ZNF469: variants seen among roughly 807,000 people sequenced by gnomAD.
ZNF469 encodes zinc finger protein 469.
A neutral mutation model predicts 1.0 loss-of-function variants in ZNF469; 1 was observed. The observed-to-expected ratio is 1.00, with a 90% CI of 0.35 to 4.73. The LOEUF (loss-of-function observed/expected upper bound fraction) is 4.73, where lower values mean the gene tolerates loss of function less well. Among genes scored for constraint, ZNF469 ranks in the 30% most tolerant of loss-of-function variants. ZNF469 has a pLI of 0.16. For synonymous variants in ZNF469, 2,703 were observed against 2,363.4 expected, an observed-to-expected ratio of 1.14 and a Z score of -4.17; for missense variants, 6,100 against 5,356.3, an observed-to-expected ratio of 1.14 and a Z score of -4.33.
chr16:88,356,301 C>T, the ZNF469 span, among the ~76,000 whole-genome samples: 7 of 152,292 alleles, frequency 4.6e-5, no homozygotes, highest in Non-Finnish European at 8.8e-5. Flanking sequence ...AGTCCTGCCA[C>T]TGCCCAGCTG....
chr16:88,399,742 G>GCACC (rs764424006), intron 1 of ZNF469, among the ~76,000 whole-genome samples: 3 of 152,258 alleles, frequency 2.0e-5, no homozygotes, highest in Non-Finnish European at 4.4e-5. Flanking sequence ...AACCAGCTGT[G>GCACC]CACCCCTCTC....
chr16:88,401,532 TGCA>T (rs1567501585), intron 1 of ZNF469, among the ~76,000 whole-genome samples: 41 of 103,144 alleles, frequency 4.0e-4, no homozygotes, highest in African/African-American at 6.6e-4. Context: ...GATGGATGGA[TGCA>T]TGGGTGGATG....
chr16:88,387,110 G>A (rs1165760192), intron 1 of ZNF469, among the ~76,000 whole-genome samples: 1 of 152,300 alleles, frequency 6.6e-6, no homozygotes, highest in East Asian at 1.9e-4. Flanking sequence ...TGTCCACCCA[G>A]GGGAGCGCCT....
At chr16:88,315,146 AG>A in the ZNF469 span, among the ~76,000 whole-genome samples, 1 of 152,224 alleles carries the variant, frequency 6.6e-6, no homozygotes, top group African/African-American at 2.4e-5. Flanking sequence ...GGTGAGAGCC[AG>A]GGGCAGGAAG....
chr16:88,438,631 C>T lies in ZNF469; in HGVS notation c.11161C>T (p.Pro3721Ser), dbSNP rs1050422513. The change falls in exon 3 of 3, where the codon CCC becomes TCC. Residue 3721 changes from proline to serine, a missense_variant. Physicochemically the swap from Pro to Ser is moderately conservative, Grantham distance 74. Coordinates refer to ENST00000565624, the MANE Select transcript of ZNF469 (RefSeq NM_001367624.2). ...LARGTENGMKPATPKAKPGPS... is the reference protein window; with the variant it reads ...LARGTENGMKSATPKAKPGPS... The stretch of plus-strand genomic sequence containing the variant: ...CCGTGGCACAGAGAATGGGATGAAG[C>T]CCGCCACCCCCAAAGCCAAACCCGG... 1 of 1,550,066 alleles carries T rather than the reference C, an allele frequency of 6.5e-7. No homozygotes were observed. Among genetic ancestry groups the T allele is most frequent in the Non-Finnish European group, 8.7e-7 (1 of 1,146,898 alleles).
At chr16:88,130,599 G>C in the ZNF469 span, among the ~76,000 whole-genome samples, 3 of 151,934 alleles carry the variant, frequency 2.0e-5, no homozygotes, top group South Asian at 2.1e-4. Context: ...CCAGCTACTC[G>C]GGAGGCTGAG....
At chr16:88,282,961 C>A in the ZNF469 span, among the ~76,000 whole-genome samples, 1 of 152,210 alleles carries the variant, frequency 6.6e-6, no homozygotes, top group African/African-American at 2.4e-5. Flanking sequence ...AGTATCCTGA[C>A]ATTTAGCTTA....
At chr16:88,336,620 G>A in the ZNF469 span, among the ~76,000 whole-genome samples, 1 of 152,054 alleles carries the variant, frequency 6.6e-6, no homozygotes, top group East Asian at 1.9e-4. Flanking sequence ...TCCTTCACGT[G>A]AGACACTAAC....
chr16:88,146,067 C>T, the ZNF469 span, among the ~76,000 whole-genome samples: 1 of 152,256 alleles, frequency 6.6e-6, no homozygotes, highest in East Asian at 1.9e-4. Flanking sequence ...CACACGGTGC[C>T]CGGTGCAGGG....
At chr16:88,229,172 A>G in the ZNF469 span, among the ~76,000 whole-genome samples, 1 of 152,232 alleles carries the variant, frequency 6.6e-6, no homozygotes, top group Non-Finnish European at 1.5e-5. Flanking sequence ...TAAAGAGATA[A>G]AATCGATGTA....
At chr16:88,386,430 C>A (rs1055059770) in intron 1 of ZNF469, among the ~76,000 whole-genome samples, 5 of 152,148 alleles carry the variant, frequency 3.3e-5, no homozygotes, top group Admixed American at 3.3e-4. Flanking sequence ...CTAGACATCA[C>A]CCCCACCCTC....
At chr16:88,375,595 C>T in the ZNF469 span, among the ~76,000 whole-genome samples, 2 of 152,244 alleles carry the variant, frequency 1.3e-5, no homozygotes, top group Non-Finnish European at 2.9e-5. Flanking sequence ...TCTGCTCATC[C>T]TTCCCACGTT....
At position 88,439,119 on chromosome 16, in the gene ZNF469, C is replaced by A; in HGVS notation, c.11649C>A (p.Gly3883=). 1.9e-6 allele frequency: 3 copies of A among 1,550,962 alleles called. No individual in the cohort carries two copies. Among genetic ancestry groups the A allele is most frequent in the Non-Finnish European group, 2.6e-6 (3 of 1,146,986 alleles). ...PPSEQRKAEP[G]HTQRKDRLGK... is the part of the protein sequence containing the mutation. ...CAGAGCAGCGGAAGGCAGAGCCGGG[C>A]CACACACAGAGGAAGGACAGACTGG... Residue 3883 remains glycine, a synonymous_variant, in exon 3 of 3, where the codon GGC becomes GGA. Coordinates refer to ENST00000565624, the MANE Select transcript of ZNF469 (RefSeq NM_001367624.2).
At chr16:88,280,864 G>A in the ZNF469 span, among the ~76,000 whole-genome samples, 1 of 151,804 alleles carries the variant, frequency 6.6e-6, no homozygotes, top group African/African-American at 2.4e-5. Context: ...GCACAGGTTA[G>A]CGCTGTGCCA....
chr16:88,261,076 A>G, the ZNF469 span, among the ~76,000 whole-genome samples: 2 of 152,106 alleles, frequency 1.3e-5, no homozygotes, highest in African/African-American at 4.8e-5. This position sits in a 1 kb window ranked among gnomAD's most constrained non-coding sequence, Gnocchi z 6.0. Context: ...TGGTTCTAAC[A>G]GCTGGGATGC....
intron 1 of ZNF469, among the ~76,000 whole-genome samples, chr16:88,385,278 C>T (rs2092534556): frequency 6.6e-6 from 1 of 152,068 alleles, no homozygotes; most frequent in Admixed American, 6.5e-5. Flanking sequence ...CCATGGTGGA[C>T]TCATCTGGAG....
chr16:88,381,907 G>T (rs750352693), upstream of ZNF469, among the ~76,000 whole-genome samples: 3 of 152,252 alleles, frequency 2.0e-5, no homozygotes, highest in Non-Finnish European at 2.9e-5. Context: ...CAGAAGGCCC[G>T]TGGTTAGGCC....
the ZNF469 span, among the ~76,000 whole-genome samples, chr16:88,305,713 C>G: frequency 3.3e-5 from 5 of 152,204 alleles, no homozygotes; most frequent in Non-Finnish European, 7.3e-5. Flanking sequence ...CATGCATACT[C>G]TCATACCTGC....
At chr16:88,404,243 C>A (rs1904965180) in intron 1 of ZNF469, among the ~76,000 whole-genome samples, 1 of 152,206 alleles carries the variant, frequency 6.6e-6, no homozygotes, top group Non-Finnish European at 1.5e-5. Context: ...TCTGTCTCTG[C>A]CCCCATGCTT....
Sources: gnomAD v4.1 joint callset for allele counts (sites outside exome capture counted in the v4.1 genomes callset) on GRCh38, gnomAD v4.1.1 for gene constraint, Gnocchi (gnomAD v3.1) non-coding constraint, MANE v1.5 for transcripts, NCBI Gene and HGNC (gene_info 2026-07-23, HGNC 2026-07-21) for gene names.